HERC4: variants seen among roughly 807,000 people sequenced by gnomAD.
The protein encoded by HERC4 is HECT and RLD domain containing E3 ubiquitin protein ligase 4.
In HERC4, 28 loss-of-function variants were observed where a neutral mutation model predicts 124.3. The observed-to-expected ratio is 0.23, with a 90% confidence interval of 0.17 to 0.31. HERC4 has a LOEUF of 0.31. Among genes scored for constraint, HERC4 ranks in the 10% least tolerant of loss-of-function variants. The pLI is 1.00. For missense variants in HERC4, 713 were observed against 1,229.3 expected, an observed-to-expected ratio of 0.58 and a Z score of 6.28; for synonymous variants, 407 against 421.5, an observed-to-expected ratio of 0.97 and a Z score of 0.42.
At chr10:68,003,981 C>T (rs561330436) in intron 9 of HERC4, among the ~76,000 whole-genome samples, 10 of 152,194 alleles carry the variant, frequency 6.6e-5, no homozygotes, top group African/African-American at 2.2e-4. Flanking sequence ...TGTATACAAG[C>T]GTTCCCTTTT....
At chr10:68,051,784 G>A (rs2040325799) in intron 3 of HERC4, among the ~76,000 whole-genome samples, 2 of 151,338 alleles carry the variant, frequency 1.3e-5, no homozygotes, top group Admixed American at 1.3e-4. Context: ...CGCCTCCGAG[G>A]CTCAAGTGAT....
intron 15 of HERC4, among the ~76,000 whole-genome samples, chr10:67,984,765 G>A (rs1024863875): frequency 6.6e-6 from 1 of 152,038 alleles, no homozygotes; most frequent in African/African-American, 2.4e-5. Flanking sequence ...GTAATTTTTA[G>A]TAGAGATGGG....
At chr10:67,951,158 C>T (rs985447324) in intron 19 of HERC4, among the ~76,000 whole-genome samples, 7 of 152,162 alleles carry the variant, frequency 4.6e-5, no homozygotes, top group Non-Finnish European at 8.8e-5. Flanking sequence ...TGTCTCAAAA[C>T]ATTATCTCTT....
At chr10:67,960,708 T>G (rs2034458085) in intron 16 of HERC4, 1 of 166,328 alleles carries the variant, frequency 6.0e-6, no homozygotes, top group Admixed American at 6.5e-5. Context: ...AAACACATTC[T>G]TGGATTTGTG....
chr10:67,932,488 TA>T, intron 23 of HERC4, 108 bp downstream of exon 23: 1 of 900,968 alleles, frequency 1.1e-6, no homozygotes, highest in Non-Finnish European at 1.7e-6. Context: ...TGCTTTCCTG[TA>T]AAATGGTAGT....
intron 11 of HERC4, 82 bp downstream of exon 11, chr10:67,992,117 C>T (rs2036584258): frequency 2.2e-6 from 3 of 1,372,682 alleles, no homozygotes; most frequent in Admixed American, 3.7e-5. Flanking sequence ...GGCTGGTCTC[C>T]AATTCCTGGG....
intron 3 of HERC4, among the ~76,000 whole-genome samples, chr10:68,050,136 T>C (rs371654143): frequency 8.6e-4 from 131 of 152,076 alleles, no homozygotes; most frequent in African/African-American, 3.0e-3. Flanking sequence ...GTGGCTGCAG[T>C]GACCAAGACT....
chr10:68,036,107 G>C (rs1232435421), intron 5 of HERC4, among the ~76,000 whole-genome samples: 1 of 151,892 alleles, frequency 6.6e-6, no homozygotes, highest in Non-Finnish European at 1.5e-5. Flanking sequence ...CAGGTCAGGA[G>C]ATCGAGACCA....
intron 15 of HERC4, among the ~76,000 whole-genome samples, chr10:67,974,440 A>G (rs2035460942): frequency 6.6e-6 from 1 of 152,258 alleles, no homozygotes; most frequent in African/African-American, 2.4e-5. Flanking sequence ...ATTTGTGAAT[A>G]ATCACATATA....
At chr10:68,018,881 C>G in intron 8 of HERC4, among the ~76,000 whole-genome samples, 1 of 144,874 alleles carries the variant, frequency 6.9e-6, no homozygotes, top group East Asian at 2.1e-4. Context: ...AATGCACTAC[C>G]AATCAAAACC....
chr10:68,032,711 G>T, intron 7 of HERC4, 67 bp downstream of exon 7: 1 of 788,406 alleles, frequency 1.3e-6, no homozygotes, highest in South Asian at 1.7e-5. Context: ...AAAATACCAT[G>T]AGAACATTCA....
chr10:68,071,868 C>T lies in HERC4; in HGVS notation c.226+1015G>A, dbSNP rs968616800. ...CTTAACCACAAAGAAAGGATGAAAA[C>T]GATACAGTATTTGCAAGTTAGAAAA... is the stretch of plus-strand genomic sequence containing the variant. On this transcript the variant is annotated intron_variant, in intron 3 of 24. Coordinates refer to ENST00000373700, the MANE Select transcript of HERC4 (RefSeq NM_015601.4). Among the ~76,000 whole-genome samples the T allele has an allele frequency of 9.2e-5, 14 of 152,166 alleles. 1 individual carries two copies. Among genetic ancestry groups the T allele is most frequent in the Non-Finnish European group, 1.5e-4 (10 of 67,986 alleles).
At chr10:68,010,600 C>A (rs565384643) in intron 9 of HERC4, 5 of 1,294,940 alleles carry the variant, frequency 3.9e-6, no homozygotes, top group Non-Finnish European at 5.5e-6. Context: ...CAGGCCTGCA[C>A]GAGGGTTTCG....
chr10:67,934,851 T>C (rs1234936609), intron 22 of HERC4, among the ~76,000 whole-genome samples: 1 of 152,090 alleles, frequency 6.6e-6, no homozygotes, highest in Non-Finnish European at 1.5e-5. Context: ...GTATTGATCT[T>C]TTTTCCACTT....
intron 6 of HERC4, 115 bp from the exon 7 acceptor site, chr10:68,032,984 T>C (rs1283855995): frequency 3.5e-5 from 22 of 634,256 alleles, no homozygotes; most frequent in Middle Eastern, 2.8e-4. Flanking sequence ...TAATTTTAAC[T>C]ATGATTCGAT....
intron 15 of HERC4, among the ~76,000 whole-genome samples, chr10:67,979,071 A>T (rs936635662): frequency 8.5e-5 from 13 of 152,186 alleles, no homozygotes; most frequent in Non-Finnish European, 1.0e-4. Flanking sequence ...TTTAATGCCC[A>T]GACAGAGAGG....
chr10:67,940,878 T>G lies in HERC4; in HGVS notation c.2504+61A>C, dbSNP rs1589138957. The G allele has an allele frequency of 5.8e-6, 8 of 1,374,810 alleles. No homozygotes were observed. In the East Asian group the frequency reaches 2.0e-4, roughly 34 times the overall value. 85.2% of individuals were successfully genotyped at this position (1,374,810 alleles called of 1,614,324 possible). A position where few individuals can be genotyped will look rare whatever the true frequency, so the allele number is the denominator to read the frequency against. On this transcript the variant is annotated intron_variant, in intron 20 of 24. Coordinates refer to ENST00000373700, the MANE Select transcript of HERC4 (RefSeq NM_015601.4). ...TTTTTCATAGAAGGAAAGCTTTCTG[T>G]ACCTTCCCCACTTTTTACCTCCCAA...
chr10:68,050,416 T>G (rs188165911), intron 3 of HERC4, among the ~76,000 whole-genome samples: 8 of 152,308 alleles, frequency 5.3e-5, no homozygotes, highest in African/African-American at 1.7e-4. Context: ...GTTAAAGCAA[T>G]GTATTAAAAC....
At chr10:67,929,738 C>T (rs1160867688) in intron 23 of HERC4, among the ~76,000 whole-genome samples, 1 of 152,014 alleles carries the variant, frequency 6.6e-6, no homozygotes, top group Non-Finnish European at 1.5e-5. Flanking sequence ...TGGTCTTGAA[C>T]TCCTGGGTTC....
Sources: allele counts gnomAD v4.1 joint callset (sites outside exome capture counted in the v4.1 genomes callset), GRCh38; gene constraint gnomAD v4.1.1; transcripts MANE v1.5; gene names NCBI Gene and HGNC (gene_info 2026-07-23, HGNC 2026-07-21).